The following EPSTI1 variants were observed in gnomAD, a reference collection of about 807,000 sequenced individuals.
EPSTI1 encodes epithelial-stromal interaction protein 1.
A neutral mutation model predicts 49.9 loss-of-function variants in EPSTI1; 66 were observed. The observed-to-expected ratio is 1.32, with a 90% CI of 1.08 to 1.62. EPSTI1 has a LOEUF of 1.62. Ranked by LOEUF, EPSTI1 falls within the 40% of genes most tolerant of loss-of-function variation. EPSTI1 has a pLI of 0.00. For synonymous variants in EPSTI1, 137 were observed against 130.7 expected (o/e 1.05, Z -0.33); for missense variants, 394 against 365.5 (o/e 1.08, Z -0.64).
intron 7 of EPSTI1, chr13:42,919,274 T>C: frequency 6.2e-7 from 1 of 1,612,460 alleles, no homozygotes. Context: ...AAAGTTCAGT[T>C]ACTTGCAATC....
Position 42,922,498 on chromosome 13 carries a change from C to T in EPSTI1, c.657+3838G>A, listed in dbSNP as rs145727292. 3.2e-4 allele frequency among the ~76,000 whole-genome samples: 48 copies of T among 152,134 alleles called. No individual in the cohort carries two copies. The highest frequency in any genetic ancestry group is 5.6e-4 in the Non-Finnish European group (38 of 68,014). ...GGTTTGCGGGGACAGGGGACAGATG[C>T]CCCCCGGAAGCTTCAAAAGGAACCA... On this transcript the variant is annotated intron_variant, in intron 7 of 10. Transcript: ENST00000313624. This position sits in a 1 kb window ranked among gnomAD's most constrained non-coding sequence, Gnocchi z 4.8.
intron 8 of EPSTI1, among the ~76,000 whole-genome samples, chr13:42,903,595 T>C (rs1408160): frequency 0.8 from 121,896 of 152,120 alleles, 50,321 homozygotes; most frequent in Non-Finnish European, 0.92. Context: ...TAAAACAATT[T>C]GAGTCTAGGA....
intron 6 of EPSTI1, chr13:42,933,851 C>CA (rs141210951): frequency 0.018 from 2,787 of 152,864 alleles, 66 homozygotes; most frequent in South Asian, 0.1. Flanking sequence ...GAGGAATACC[C>CA]CCCTGCATGG....
chr13:42,931,495 G>A (rs866967637), intron 6 of EPSTI1, among the ~76,000 whole-genome samples: 10 of 152,348 alleles, frequency 6.6e-5, no homozygotes, highest in Middle Eastern at 3.4e-3. Context: ...GTGAGCCACC[G>A]CGCCCGGCCT....
chr13:42,904,256 C>A (rs1452822330), intron 8 of EPSTI1, among the ~76,000 whole-genome samples: 1 of 151,978 alleles, frequency 6.6e-6, no homozygotes, highest in Non-Finnish European at 1.5e-5. Context: ...TCACATAAAC[C>A]AATAAGGAAA....
chr13:42,985,343 GGACA>G (rs2040058278), intron 1 of EPSTI1, among the ~76,000 whole-genome samples: 1 of 152,202 alleles, frequency 6.6e-6, no homozygotes, highest in African/African-American at 2.4e-5. Context: ...GTCCAAGGCT[GGACA>G]GACAGTTGCT....
intron 8 of EPSTI1, among the ~76,000 whole-genome samples, chr13:42,906,734 C>A (rs2037510454): frequency 6.6e-6 from 1 of 152,100 alleles, no homozygotes; most frequent in South Asian, 2.1e-4. Context: ...GAAGCTACCA[C>A]CCAAAATTTT....
At chr13:42,991,567 G>C (rs2040194688) in intron 1 of EPSTI1, among the ~76,000 whole-genome samples, 1 of 152,234 alleles carries the variant, frequency 6.6e-6, no homozygotes, top group South Asian at 2.1e-4. Flanking sequence ...TAACAGGCTT[G>C]AGCCAACGCG....
chr13:42,970,703 C>T, intron 1 of EPSTI1, 33 bp from the exon 2 acceptor site: 1 of 1,561,668 alleles, frequency 6.4e-7, no homozygotes, highest in Non-Finnish European at 8.7e-7. Context: ...TGCTTATTAC[C>T]ATGAGAAACT....
intron 1 of EPSTI1, among the ~76,000 whole-genome samples, chr13:42,976,065 C>A (rs1465950245): frequency 6.6e-6 from 1 of 152,222 alleles, no homozygotes; most frequent in Non-Finnish European, 1.5e-5. Flanking sequence ...ATTCCACTTA[C>A]AAGCTAATAA....
At chr13:42,991,880 G>A in intron 1 of EPSTI1, 98 bp downstream of exon 1, 1 of 1,317,146 alleles carries the variant, frequency 7.6e-7, no homozygotes, top group South Asian at 1.2e-5. Flanking sequence ...CTGTTGTTGG[G>A]CCCCTGTGGT....
At chr13:42,890,542 C>T (rs1044483149) in intron 10 of EPSTI1, among the ~76,000 whole-genome samples, 1 of 152,124 alleles carries the variant, frequency 6.6e-6, no homozygotes, top group African/African-American at 2.4e-5. Context: ...TCGTGATCCG[C>T]CCACCTCGGC....
chr13:42,970,558 C>A, intron 2 of EPSTI1, 54 bp downstream of exon 2: 1 of 1,458,908 alleles, frequency 6.9e-7, no homozygotes, highest in Non-Finnish European at 9.4e-7. Context: ...CCAAAACAAA[C>A]CAATTGTAAA....
At chr13:42,955,428 T>G (rs962524462) in intron 5 of EPSTI1, among the ~76,000 whole-genome samples, 3 of 152,170 alleles carry the variant, frequency 2.0e-5, no homozygotes, top group Non-Finnish European at 2.9e-5. Context: ...GGTTAGAAAT[T>G]GAGACCACTG....
At chr13:42,936,881 C>A (rs1211579393) in intron 6 of EPSTI1, among the ~76,000 whole-genome samples, 1 of 152,090 alleles carries the variant, frequency 6.6e-6, no homozygotes, top group Non-Finnish European at 1.5e-5. Flanking sequence ...CACCTAGTAG[C>A]CCCCATCTCA....
At chr13:42,896,637 C>T (rs1354914837) in intron 9 of EPSTI1, among the ~76,000 whole-genome samples, 1 of 152,186 alleles carries the variant, frequency 6.6e-6, no homozygotes, top group African/African-American at 2.4e-5. Flanking sequence ...GTAATCTAGT[C>T]CCCATACAAC....
chr13:42,950,927 C>T (rs762835173), intron 6 of EPSTI1, among the ~76,000 whole-genome samples: 10 of 151,996 alleles, frequency 6.6e-5, no homozygotes, highest in Non-Finnish European at 1.3e-4. Context: ...GAGGTCAAGG[C>T]GGGTGGATCA....
intron 10 of EPSTI1, among the ~76,000 whole-genome samples, chr13:42,891,947 G>C (rs1013308298): frequency 1.3e-5 from 2 of 152,224 alleles, no homozygotes; most frequent in African/African-American, 4.8e-5. Context: ...AGCCTAGAAA[G>C]GGGACTGCAG....
At chr13:42,944,950 C>T (rs1007845127) in intron 6 of EPSTI1, among the ~76,000 whole-genome samples, 2 of 152,182 alleles carry the variant, frequency 1.3e-5, no homozygotes, top group African/African-American at 2.4e-5. Context: ...GGTCTTCCTT[C>T]CTTCTAGATA....
Sources: allele counts gnomAD v4.1 joint callset (sites outside exome capture counted in the v4.1 genomes callset), GRCh38; gene constraint gnomAD v4.1.1; non-coding constraint Gnocchi (gnomAD v3.1); transcripts MANE v1.5; gene names NCBI Gene and HGNC (gene_info 2026-07-23, HGNC 2026-07-21).